TBC1D19: variants seen among roughly 807,000 people sequenced by gnomAD.
The protein encoded by TBC1D19 is TBC1 domain family member 19.
Under a neutral mutation model 89.0 loss-of-function variants are expected in TBC1D19, and 60 were observed. That is an observed-to-expected ratio of 0.67 (90% confidence interval 0.55 to 0.84). TBC1D19 has a LOEUF of 0.84. TBC1D19 is among the 40% of genes least tolerant of loss of function. The pLI is 0.00. For synonymous variants in TBC1D19, 189 were observed against 199.7 expected (o/e 0.95, Z 0.45); for missense variants, 500 against 610.8 (o/e 0.82, Z 1.91).
intron 1 of TBC1D19, among the ~76,000 whole-genome samples, chr4:26,577,335 C>T (rs1738996625): frequency 6.6e-6 from 1 of 151,470 alleles, no homozygotes; most frequent in African/African-American, 2.4e-5. Flanking sequence ...GTGTATTCTC[C>T]TATTTGTTGG....
At chr4:26,707,971 A>G (rs1715864544) in intron 13 of TBC1D19, among the ~76,000 whole-genome samples, 1 of 152,114 alleles carries the variant, frequency 6.6e-6, no homozygotes, top group Non-Finnish European at 1.5e-5. Flanking sequence ...ATTTTTAAAT[A>G]ATGACTTTTC....
chr4:26,748,341 C>A, intron 18 of TBC1D19, 70 bp from the exon 19 acceptor site: 2 of 1,073,692 alleles, frequency 1.9e-6, no homozygotes, highest in Non-Finnish European at 1.4e-6. Context: ...TGGTTGGGTT[C>A]TTCTGATATT....
At chr4:26,613,075 A>G (rs1741480247) in intron 1 of TBC1D19, 94 bp from the exon 2 acceptor site, 1 of 923,560 alleles carries the variant, frequency 1.1e-6, no homozygotes. Context: ...TCCTTTTTAA[A>G]CATTTCCTTT....
At chr4:26,746,167 T>C (rs1252755296) in intron 18 of TBC1D19, among the ~76,000 whole-genome samples, 1 of 151,434 alleles carries the variant, frequency 6.6e-6, no homozygotes, top group Non-Finnish European at 1.5e-5. Context: ...ACTTTTGATA[T>C]AAAAGAAAAA....
In TBC1D19 at chr4:26,746,232, A is replaced by AT. The variant is rs11315419; in HGVS notation, c.1320-2161dup. On this transcript the variant is annotated intron_variant, in intron 18 of 20. Transcript: ENST00000264866. Reference sequence around the variant, plus strand: ...TTTTCTCACAGGTCCTTGCAGGTCTATTTTTTTTTTTTTTTTTTCCATAGA... The same window carrying AT: ...TTTTCTCACAGGTCCTTGCAGGTCTATTTTTTTTTTTTTTTTTTTCCATAGA... Among the ~76,000 whole-genome samples the AT allele has an allele frequency of 2.7e-3, 359 of 131,978 alleles. 1 individual carries two copies. The highest frequency in any genetic ancestry group is 5.9e-3 in the African/African-American group (207 of 35,234). 86.6% of individuals were successfully genotyped at this position (131,978 alleles called of 152,430 possible). A position where few individuals can be genotyped will look rare whatever the true frequency, so the allele number is the denominator to read the frequency against.
chr4:26,673,954 T>G (rs1163372130), intron 11 of TBC1D19, 66 bp downstream of exon 11: 11 of 959,264 alleles, frequency 1.1e-5, no homozygotes, highest in Non-Finnish European at 1.7e-5. Flanking sequence ...AGACCAGTTA[T>G]TCAAAATTGA....
chr4:26,707,214 A>T (rs1056575417), intron 13 of TBC1D19, among the ~76,000 whole-genome samples: 2 of 151,906 alleles, frequency 1.3e-5, no homozygotes, highest in African/African-American at 4.8e-5. Flanking sequence ...TACATTTTCA[A>T]GTCTGTTGTA....
At chr4:26,821,738 C>T in the TBC1D19 span, among the ~76,000 whole-genome samples, 2 of 152,178 alleles carry the variant, frequency 1.3e-5, no homozygotes, top group Non-Finnish European at 2.9e-5. Context: ...GAAGCCATGG[C>T]GGGGCTCACC....
chr4:26,836,031 ATTT>A, the TBC1D19 span, among the ~76,000 whole-genome samples: 2 of 142,576 alleles, frequency 1.4e-5, no homozygotes, highest in African/African-American at 5.3e-5. Flanking sequence ...TTTGGACATG[ATTT>A]TGTTTCTATC....
chr4:26,636,407 A>C (rs1048966796), intron 4 of TBC1D19, among the ~76,000 whole-genome samples: 1 of 151,496 alleles, frequency 6.6e-6, no homozygotes, highest in Non-Finnish European at 1.5e-5. Flanking sequence ...AATCAATACT[A>C]TGAAAAATAG....
intron 8 of TBC1D19, among the ~76,000 whole-genome samples, chr4:26,665,757 T>C (rs1034286980): frequency 2.0e-5 from 3 of 152,048 alleles, no homozygotes; most frequent in African/African-American, 4.8e-5. Context: ...GTAAGTGATA[T>C]GCATACTGAG....
At chr4:26,702,675 G>A (rs1374572095) in intron 13 of TBC1D19, among the ~76,000 whole-genome samples, 1 of 151,870 alleles carries the variant, frequency 6.6e-6, no homozygotes, top group East Asian at 1.9e-4. Context: ...TAGTACTTTG[G>A]AAATGACTAA....
rs200839757 is a variant in TBC1D19, at chr4:26,748,359, C to T, written c.1320-52C>T. 17 of 1,351,362 alleles carry T rather than the reference C, an allele frequency of 1.3e-5. No homozygotes were observed. In the South Asian group the frequency reaches 1.7e-4, roughly 13 times the overall value. The allele number at this position is 1,351,362 out of a possible 1,614,324, so 83.7% of individuals were successfully genotyped here. ...TTGGGTTCTTCTGATATTGCATTTTCATGAGAAAAAATTTCAGTGGTACAT... is the reference window on the plus strand; with the variant it reads ...TTGGGTTCTTCTGATATTGCATTTTTATGAGAAAAAATTTCAGTGGTACAT... On this transcript the variant is annotated intron_variant, in intron 18 of 20. Transcript: ENST00000264866.
chr4:26,638,981 AGACT>A (rs1393752359), intron 6 of TBC1D19, 147 bp downstream of exon 6: 3 of 663,836 alleles, frequency 4.5e-6, no homozygotes, highest in Non-Finnish European at 7.7e-6. Flanking sequence ...AACCAGAATT[AGACT>A]GACCTACTCA....
At chr4:26,851,527 T>C in the TBC1D19 span, among the ~76,000 whole-genome samples, 2,540 of 152,290 alleles carry the variant, frequency 0.017, 70 homozygotes, top group African/African-American at 0.059. Flanking sequence ...AATGATCTCC[T>C]TAACACCTCA....
At chr4:26,811,713 A>T in the TBC1D19 span, among the ~76,000 whole-genome samples, 6 of 152,216 alleles carry the variant, frequency 3.9e-5, no homozygotes, top group African/African-American at 1.4e-4. Context: ...ATGATATGCT[A>T]AACAAGGAGT....
At chr4:26,669,335 A>G (rs260940) in intron 9 of TBC1D19, among the ~76,000 whole-genome samples, 17,294 of 151,812 alleles carry the variant, frequency 0.11, 1,276 homozygotes, top group South Asian at 0.18. Flanking sequence ...TAAGATACAC[A>G]GTGTATGTTA....
chr4:26,691,662 C>T (rs111350513), intron 13 of TBC1D19, among the ~76,000 whole-genome samples: 306 of 152,110 alleles, frequency 2.0e-3, no homozygotes, highest in African/African-American at 7.0e-3. Context: ...ACTTAATAGA[C>T]TATAGTGTAG....
At chr4:26,729,194 G>T (rs939934011) in intron 15 of TBC1D19, among the ~76,000 whole-genome samples, 3 of 152,200 alleles carry the variant, frequency 2.0e-5, no homozygotes, top group African/African-American at 2.4e-5. Flanking sequence ...GGTTACTGAA[G>T]CTCAGCAGGT....
Sources: gnomAD v4.1 joint callset for allele counts (sites outside exome capture counted in the v4.1 genomes callset) on GRCh38, gnomAD v4.1.1 for gene constraint, MANE v1.5 for transcripts, NCBI Gene and HGNC (gene_info 2026-07-23, HGNC 2026-07-21) for gene names.